Variants in SFXN5 observed in about 807,000 individuals in gnomAD.
SFXN5 encodes sideroflexin-5.
In SFXN5, 43 loss-of-function variants were observed where a neutral mutation model predicts 50.2. The ratio of observed to expected loss-of-function variants is 0.86; its 90% CI spans 0.67 to 1.11. The LOEUF (loss-of-function observed/expected upper bound fraction) is 1.11, where lower values mean the gene tolerates loss of function less well. Ranked by LOEUF, SFXN5 falls within the 50% of genes least tolerant of loss-of-function variation. The pLI is 0.00. For missense variants in SFXN5, 463 were observed against 454.1 expected (o/e 1.02, Z -0.18); for synonymous variants, 203 against 185.8 (o/e 1.09, Z -0.75).
At chr2:72,948,229 C>T (rs906219531) in intron 13 of SFXN5, among the ~76,000 whole-genome samples, 4 of 152,184 alleles carry the variant, frequency 2.6e-5, no homozygotes, top group East Asian at 1.9e-4. Context: ...TCTTAATCAA[C>T]GTTTAACCTC....
intron 6 of SFXN5, chr2:73,020,005 G>A: frequency 2.0e-6 from 1 of 494,158 alleles, no homozygotes; most frequent in Non-Finnish European, 3.6e-6. Flanking sequence ...AGGGAAGAAG[G>A]CAATTTTCAA....
Position 72,968,518 on chromosome 2 carries a change from C to CCGT in SFXN5, c.754_756dup (p.Thr252dup), listed in dbSNP as rs763955600. On this transcript the variant is annotated inframe_insertion, in exon 12 of 14. Coordinates refer to ENST00000272433, the MANE Select transcript of SFXN5 (RefSeq NM_144579.3). ...ATGGGCAGGACCACTCGCGTCAGCGCCGTCTCCAGCAGGGCCTGAGGGGCA... is the reference window on the plus strand; with the variant it reads ...ATGGGCAGGACCACTCGCGTCAGCGCCGTCGTCTCCAGCAGGGCCTGAGGGGCA... The CCGT allele has an allele frequency of 1.2e-6, 2 of 1,613,438 alleles. No homozygotes were observed. The highest frequency in any genetic ancestry group is 1.7e-6 in the Non-Finnish European group (2 of 1,180,008).
intron 10 of SFXN5, among the ~76,000 whole-genome samples, chr2:72,977,337 A>C (rs1670742552): frequency 1.3e-5 from 2 of 152,234 alleles, no homozygotes; most frequent in South Asian, 4.1e-4. Flanking sequence ...ATTTCAGCCA[A>C]AAAATCCATA....
chr2:73,004,223 A>C (rs1674297503), intron 6 of SFXN5, among the ~76,000 whole-genome samples: 1 of 150,906 alleles, frequency 6.6e-6, no homozygotes, highest in Non-Finnish European at 1.5e-5. Context: ...TCCAATCAGC[A>C]CTCTGCATCC....
intron 5 of SFXN5, among the ~76,000 whole-genome samples, chr2:73,021,318 AC>A (rs1215996785): frequency 2.6e-5 from 4 of 152,098 alleles, no homozygotes; most frequent in African/African-American, 9.7e-5. Flanking sequence ...CCCCATCTCT[AC>A]TAAAAAATAC....
intron 6 of SFXN5, among the ~76,000 whole-genome samples, chr2:73,013,780 A>AT (rs555888202): frequency 6.6e-6 from 1 of 152,030 alleles, no homozygotes; most frequent in Non-Finnish European, 1.5e-5. Flanking sequence ...TATTTCGTCA[A>AT]TTTTTTTGTG....
intron 9 of SFXN5, chr2:72,997,997 A>C (rs1014269471): frequency 6.6e-6 from 1 of 151,518 alleles, no homozygotes; most frequent in Non-Finnish European, 1.5e-5. Context: ...CCTGGGCTCA[A>C]TGATCCTCCT....
chr2:73,052,206 C>G (rs375545138), intron 2 of SFXN5, among the ~76,000 whole-genome samples: 1 of 152,102 alleles, frequency 6.6e-6, no homozygotes, highest in Non-Finnish European at 1.5e-5. Context: ...AGGAAGCCCT[C>G]GTTCCTTTTT....
rs762027535 is a variant in SFXN5 at position 73,001,582 on chromosome 2, T to C, written c.358-4A>G. ...TGGGCAAGAGAAGACCGACTACCTA[T>C]GAGCAAGAGAGAAGAAATGCTGAAA... On this transcript the variant is annotated splice_region_variant and splice_polypyrimidine_tract_variant and intron_variant, in intron 6 of 13. Transcript: ENST00000272433. The C allele has an allele frequency of 9.9e-6, 16 of 1,613,922 alleles. No individual in the cohort carries two copies. Among genetic ancestry groups the C allele is most frequent in the Non-Finnish European group, 1.4e-5 (16 of 1,179,978 alleles).
rs114609842 is a variant in SFXN5 at position 73,001,474 on chromosome 2, C to A, written c.411+51G>T. On this transcript the variant is annotated intron_variant, in intron 7 of 13. Transcript: ENST00000272433. ...ACCACAGCAGGGAGTTCTTAACCAG[C>A]ACCTGTGTGGGCCCTTCCTTCAGGA... 2,312 of 1,598,970 alleles carry A rather than the reference C, an allele frequency of 1.4e-3. 30 individuals are homozygous for A. The African/African-American group carries it at 0.026, about 18-fold the overall frequency.
At position 72,943,698 on chromosome 2, in the gene SFXN5, T is replaced by C. The variant is rs1459178391; in HGVS notation, c.*1324A>G. Reference sequence around the variant, plus strand: ...TGGCAAAGGTCAACTGCTCCCGGGATATGGAGTCACATACACAAGGCAAGG... The same window carrying C: ...TGGCAAAGGTCAACTGCTCCCGGGACATGGAGTCACATACACAAGGCAAGG... On this transcript the variant is annotated 3_prime_UTR_variant, in exon 14 of 14. Transcript: ENST00000272433. 1.3e-5 allele frequency: 2 copies of C among 152,892 alleles called. No homozygotes were observed. The highest frequency in any genetic ancestry group is 3.9e-4 in the East Asian group (2 of 5,174). 9.5% of individuals were successfully genotyped at this position (152,892 alleles called of 1,614,324 possible).
chr2:73,026,714 AT>A (rs894713077), intron 3 of SFXN5, among the ~76,000 whole-genome samples: 17 of 151,868 alleles, frequency 1.1e-4, no homozygotes, highest in African/African-American at 3.4e-4. Context: ...TTATTATTTT[AT>A]TTTATTTATT....
chr2:72,989,209 T>G (rs1672277147), intron 9 of SFXN5, among the ~76,000 whole-genome samples: 1 of 152,104 alleles, frequency 6.6e-6, no homozygotes, highest in African/African-American at 2.4e-5. Context: ...CCGTGAGCCT[T>G]CCAGCCATGG....
chr2:72,961,149 G>A lies in SFXN5; in HGVS notation c.927C>T (p.Leu309=), dbSNP rs757576438. 1.3e-6 allele frequency: 2 copies of A among 1,585,096 alleles called. No homozygotes were observed. Among genetic ancestry groups the A allele is most frequent in the Non-Finnish European group, 1.7e-6 (2 of 1,167,262 alleles). ...FGLALPLAIS[L]FPQMSEIETS... is the part of the protein sequence containing the mutation. ...CACTGACCTCTGACATTTGCGGGAAGAGGCTGATGGCCAGCGGCAGGGCCA... is the reference window on the plus strand; with the variant it reads ...CACTGACCTCTGACATTTGCGGGAAAAGGCTGATGGCCAGCGGCAGGGCCA... Residue 309 remains leucine (L), a synonymous_variant, in exon 13 of 14, where the codon CTC becomes CTT. Transcript: ENST00000272433. This position sits in a 1 kb window ranked among gnomAD's most constrained non-coding sequence, Gnocchi z 4.4.
At chr2:73,045,155 T>C (rs139769603) in intron 2 of SFXN5, among the ~76,000 whole-genome samples, 243 of 152,274 alleles carry the variant, frequency 1.6e-3, no homozygotes, top group African/African-American at 5.6e-3. Flanking sequence ...CTGAGAAAAC[T>C]GGGGCCAAGA....
intron 13 of SFXN5, among the ~76,000 whole-genome samples, chr2:72,947,251 C>G (rs1360013532): frequency 1.3e-5 from 2 of 152,240 alleles, no homozygotes; most frequent in Non-Finnish European, 2.9e-5. Context: ...TAGGTGCTCC[C>G]TCAGTGTGGA....
intron 13 of SFXN5, chr2:72,957,124 T>C (rs1250384498): frequency 2.2e-6 from 1 of 455,240 alleles, no homozygotes. Context: ...CCACATCCCC[T>C]TTCTCAGCTT....
At chr2:73,037,272 G>GTATC (rs1176255737) in intron 3 of SFXN5, among the ~76,000 whole-genome samples, 1 of 152,126 alleles carries the variant, frequency 6.6e-6, no homozygotes, top group Non-Finnish European at 1.5e-5. Context: ...CTCTCCCATG[G>GTATC]TATCATGTGC....
intron 1 of SFXN5, among the ~76,000 whole-genome samples, chr2:73,065,538 A>T (rs1235224611): frequency 6.6e-6 from 1 of 152,168 alleles, no homozygotes; most frequent in African/African-American, 2.4e-5. Context: ...AGCTGGGATT[A>T]TAGGCGCCTG....
Sources: allele counts gnomAD v4.1 joint callset (sites outside exome capture counted in the v4.1 genomes callset), GRCh38; gene constraint gnomAD v4.1.1; non-coding constraint Gnocchi (gnomAD v3.1); transcripts MANE v1.5; gene names NCBI Gene and HGNC (gene_info 2026-07-23, HGNC 2026-07-21).